The following SLCO3A1 variants were observed in gnomAD, a reference collection of about 807,000 sequenced individuals.
SLCO3A1 encodes PGE1 transporter.
SLCO3A1 carries 27 observed loss-of-function variants against 63.1 expected under a neutral mutation model. That is an observed-to-expected ratio of 0.43 (90% confidence interval 0.32 to 0.59). The LOEUF (loss-of-function observed/expected upper bound fraction) is 0.59, where lower values mean the gene tolerates loss of function less well. Among genes scored for constraint, SLCO3A1 ranks in the 20% least tolerant of loss-of-function variants. SLCO3A1 has a pLI of 0.09. For missense variants in SLCO3A1, 773 were observed against 945.8 expected, an observed-to-expected ratio of 0.82 and a Z score of 2.40; for synonymous variants, 473 against 409.9, an observed-to-expected ratio of 1.15 and a Z score of -1.86.
intron 2 of SLCO3A1, among the ~76,000 whole-genome samples, chr15:92,067,183 G>T (rs1326920181): frequency 6.7e-6 from 1 of 149,348 alleles, no homozygotes; most frequent in Non-Finnish European, 1.5e-5. Flanking sequence ...GCTCCCTCAG[G>T]CCAAGGGAAT....
In SLCO3A1 at chr15:91,945,341, C is replaced by CAAA. The variant is rs146934068; in HGVS notation, c.646+28897_646+28899dup. Among the ~76,000 whole-genome samples, 1,145 of 137,030 alleles carry CAAA rather than the reference C, an allele frequency of 8.4e-3. 21 individuals carry two copies. The highest frequency in any genetic ancestry group is 0.029 in the African/African-American group (1,073 of 36,700). 89.9% of individuals were successfully genotyped at this position (137,030 alleles called of 152,430 possible). A position where few individuals can be genotyped will look rare whatever the true frequency, so the allele number is the denominator to read the frequency against. On this transcript the variant is annotated intron_variant, in intron 2 of 9. Transcript: ENST00000318445. ...TGGGAGACAGAGTGAGACTCCATCT[C>CAAA]AAAAAAAAAAAAAAAATTACGTGGC...
chr15:91,918,574 G>A (rs1898737756), intron 2 of SLCO3A1, among the ~76,000 whole-genome samples: 1 of 152,198 alleles, frequency 6.6e-6, no homozygotes, highest in Non-Finnish European at 1.5e-5. Flanking sequence ...TATTCCATAT[G>A]TGGTTTATTC....
chr15:91,904,720 A>G (rs1202081635), intron 1 of SLCO3A1, among the ~76,000 whole-genome samples: 1 of 152,146 alleles, frequency 6.6e-6, no homozygotes, highest in African/African-American at 2.4e-5. Context: ...GGACTTTGTT[A>G]TTATTCTGGA....
intron 2 of SLCO3A1, among the ~76,000 whole-genome samples, chr15:92,030,093 G>A (rs1037562953): frequency 1.6e-4 from 24 of 152,200 alleles, no homozygotes; most frequent in African/African-American, 5.8e-4. Flanking sequence ...CTCTGCCCAC[G>A]TTCCTACCAT....
chr15:92,072,346 A>G (rs1163377586), intron 2 of SLCO3A1, among the ~76,000 whole-genome samples: 6 of 151,378 alleles, frequency 4.0e-5, no homozygotes, highest in Non-Finnish European at 8.8e-5. Flanking sequence ...TTGTCGGCTC[A>G]TTATAACCAA....
chr15:92,035,117 C>T (rs1323341453), intron 2 of SLCO3A1, among the ~76,000 whole-genome samples: 2 of 151,796 alleles, frequency 1.3e-5, no homozygotes, highest in Non-Finnish European at 2.9e-5. Context: ...ACTCCAGTGG[C>T]CCGGAAAACT....
intron 2 of SLCO3A1, among the ~76,000 whole-genome samples, chr15:92,051,335 A>T (rs2046954881): frequency 6.6e-6 from 1 of 152,148 alleles, no homozygotes; most frequent in Non-Finnish European, 1.5e-5. Context: ...CCCTTAGGGA[A>T]CAGCTTTGGG....
intron 2 of SLCO3A1, among the ~76,000 whole-genome samples, chr15:92,067,100 T>C (rs2047160864): frequency 6.6e-6 from 1 of 152,192 alleles, no homozygotes; most frequent in African/African-American, 2.4e-5. Flanking sequence ...AGGACCAGTC[T>C]CACTGATGGC....
chr15:91,996,453 A>C (rs1403937294), intron 2 of SLCO3A1, among the ~76,000 whole-genome samples: 2 of 152,168 alleles, frequency 1.3e-5, no homozygotes, highest in Non-Finnish European at 2.9e-5. Context: ...TTGCAATAAA[A>C]ACAAAATAGG....
rs1051255587 is a variant in SLCO3A1, at chr15:91,883,255, T to C, written c.180+29167T>C. ...TCAGGTGCCCAGGAGTCTTCCTGTG[T>C]GAAGTCAGCTTGTTTGGAGAGTGAA... On this transcript the variant is annotated intron_variant, in intron 1 of 9. Coordinates refer to ENST00000318445, the MANE Select transcript of SLCO3A1 (RefSeq NM_013272.4). The surrounding 1 kb of genome is among the most constrained non-coding windows in gnomAD (Gnocchi z 4.8). Among the ~76,000 whole-genome samples, 1 of 152,206 alleles carries C rather than the reference T, an allele frequency of 6.6e-6. No homozygotes were observed. Among genetic ancestry groups the C allele is most frequent in the Non-Finnish European group, 1.5e-5 (1 of 68,044 alleles).
chr15:92,024,190 A>T lies in SLCO3A1; in HGVS notation c.647-70691A>T, dbSNP rs901349817. 1.1e-4 allele frequency among the ~76,000 whole-genome samples: 17 copies of T among 152,372 alleles called. No individual in the cohort carries two copies. The East Asian group carries it at 3.3e-3, about 29-fold the overall frequency. On this transcript the variant is annotated intron_variant, in intron 2 of 9. Coordinates refer to ENST00000318445, the MANE Select transcript of SLCO3A1 (RefSeq NM_013272.4). ...TGAATGAAAAAAGCAAAAGAAACTG[A>T]TGCAATCCCCACTTCCATACATATC...
intron 2 of SLCO3A1, among the ~76,000 whole-genome samples, chr15:91,927,943 T>G (rs1899089205): frequency 6.6e-6 from 1 of 152,230 alleles, no homozygotes; most frequent in Non-Finnish European, 1.5e-5. Context: ...ATTTGTATCA[T>G]GGGGCAAAGA....
intron 2 of SLCO3A1, among the ~76,000 whole-genome samples, chr15:91,958,810 C>T (rs1900331569): frequency 1.3e-5 from 2 of 152,130 alleles, no homozygotes; most frequent in African/African-American, 4.8e-5. Flanking sequence ...GACACTTTCC[C>T]ACTGCTAGCG....
chr15:92,163,699 G>T lies in SLCO3A1; in HGVS notation c.*564G>T. ...AGCACCACTCCTCTCTCTGACTTTC[G>T]CAATATGGGTCACTGTGTAGACGAC... On this transcript the variant is annotated 3_prime_UTR_variant, in exon 10 of 10. Transcript: ENST00000318445. The T allele has an allele frequency of 1.0e-6, 1 of 985,366 alleles. No homozygotes were observed. The highest frequency in any genetic ancestry group is 1.1e-4 in the East Asian group (1 of 8,794). 61.0% of individuals were successfully genotyped at this position (985,366 alleles called of 1,614,324 possible).
chr15:92,163,551 AAAAT>A lies in SLCO3A1; in HGVS notation c.*417_*420del, dbSNP rs2048466810. The A allele has an allele frequency of 2.2e-6, 2 of 909,016 alleles. No homozygotes were observed. Among genetic ancestry groups the A allele is most frequent in the African/African-American group, 6.1e-5 (2 of 32,618 alleles). 56.3% of individuals were successfully genotyped at this position (909,016 alleles called of 1,614,324 possible). A position where few individuals can be genotyped will look rare whatever the true frequency, so the allele number is the denominator to read the frequency against. On this transcript the variant is annotated 3_prime_UTR_variant, in exon 10 of 10. Transcript: ENST00000318445. ...TTAAAAGAAGTTTCCTAAAATAAAA[AAAAT>A]TAAAAAAAAAAAACCCACAAGTTGA...
rs1248146744 is a variant in SLCO3A1 at position 91,894,778 on chromosome 15, A to G, written c.181-21215A>G. Among the ~76,000 whole-genome samples, 2 of 152,160 alleles carry G rather than the reference A, an allele frequency of 1.3e-5. No homozygotes were observed. The highest frequency in any genetic ancestry group is 1.3e-4 in the Admixed American group (2 of 15,276). ...GCTACTCCTGCTGGAGCCCCACTTG[A>G]CTGAGCAAGGGCTTACTCACCCTCA... On this transcript the variant is annotated intron_variant, in intron 1 of 9. Transcript: ENST00000318445. This position sits in a 1 kb window ranked among gnomAD's most constrained non-coding sequence, Gnocchi z 4.8.
intron 2 of SLCO3A1, among the ~76,000 whole-genome samples, chr15:91,945,448 A>C (rs1899773542): frequency 6.6e-6 from 1 of 152,226 alleles, no homozygotes; most frequent in Admixed American, 6.5e-5. Flanking sequence ...TAGGGAAGAC[A>C]GCCAAAAGTG....
At chr15:91,976,978 C>T (rs1284726177) in intron 2 of SLCO3A1, among the ~76,000 whole-genome samples, 2 of 152,090 alleles carry the variant, frequency 1.3e-5, no homozygotes, top group African/African-American at 2.4e-5. Context: ...TATCAGGAGA[C>T]AGGGTTTTGA....
intron 7 of SLCO3A1, among the ~76,000 whole-genome samples, chr15:92,144,728 G>T (rs1021228610): frequency 3.3e-5 from 5 of 152,206 alleles, no homozygotes; most frequent in Non-Finnish European, 7.3e-5. Flanking sequence ...GTCCTTGCAG[G>T]AAAGCGAATT....
Sources: allele counts gnomAD v4.1 joint callset (sites outside exome capture counted in the v4.1 genomes callset), GRCh38; gene constraint gnomAD v4.1.1; non-coding constraint Gnocchi (gnomAD v3.1); transcripts MANE v1.5; gene names NCBI Gene and HGNC (gene_info 2026-07-23, HGNC 2026-07-21).